TRIM2: variants seen among roughly 807,000 people sequenced by gnomAD.
The protein encoded by TRIM2 is tripartite motif containing 2, also known as tripartite motif-containing protein 2.
Under a neutral mutation model 75.2 loss-of-function variants are expected in TRIM2, and 20 were observed. That is an observed-to-expected ratio of 0.27 (90% CI 0.19 to 0.39). The LOEUF is 0.39. TRIM2 is among the 10% of genes least tolerant of loss of function. The pLI is 1.00. For synonymous variants in TRIM2, 373 were observed against 388.3 expected (o/e 0.96, Z 0.46); for missense variants, 660 against 990.8 (o/e 0.67, Z 4.48).
intron 6 of TRIM2, among the ~76,000 whole-genome samples, chr4:153,309,036 CTG>C (rs1225443779): frequency 1.3e-5 from 2 of 152,314 alleles, no homozygotes; most frequent in East Asian, 3.9e-4. Flanking sequence ...AGGCACTATG[CTG>C]TGTTATAGGG....
At chr4:153,222,776 T>C (rs1412833557) in intron 1 of TRIM2, 1 of 152,248 alleles carries the variant, frequency 6.6e-6, no homozygotes, top group Non-Finnish European at 1.5e-5. Flanking sequence ...TTTTACTACT[T>C]GAGCCGCTCG....
At chr4:153,222,622 G>A (rs1363797813) in intron 1 of TRIM2, 2 of 152,094 alleles carry the variant, frequency 1.3e-5, no homozygotes, top group African/African-American at 2.4e-5. Flanking sequence ...TCTGCCTCGC[G>A]GTTGATGGAA....
chr4:153,223,297 C>T (rs943142308), intron 1 of TRIM2, among the ~76,000 whole-genome samples: 2 of 152,196 alleles, frequency 1.3e-5, no homozygotes, highest in Non-Finnish European at 2.9e-5. Flanking sequence ...CCTCTGCCGT[C>T]CTCAGTCACC....
chr4:153,252,793 C>T (rs1252465930), intron 1 of TRIM2, among the ~76,000 whole-genome samples: 15 of 152,212 alleles, frequency 9.9e-5, no homozygotes, highest in Non-Finnish European at 1.8e-4. Context: ...CAGGCGTAAG[C>T]CACCACTCCT....
chr4:153,231,587 A>T (rs1743627143), intron 1 of TRIM2, among the ~76,000 whole-genome samples: 1 of 152,108 alleles, frequency 6.6e-6, no homozygotes, highest in Non-Finnish European at 1.5e-5. Flanking sequence ...ATTGAGGTGA[A>T]ATAAGGAGGT....
chr4:153,155,516 C>T (rs896968735), intron 1 of TRIM2, among the ~76,000 whole-genome samples: 2 of 152,006 alleles, frequency 1.3e-5, no homozygotes, highest in Admixed American at 1.3e-4. Flanking sequence ...GGTGGAGTGG[C>T]GACTTCGTTA....
In TRIM2 at chr4:153,320,838, G is replaced by A. The variant is rs184347027; in HGVS notation, c.1783-1810G>A. On this transcript the variant is annotated intron_variant, in intron 8 of 11. Coordinates refer to ENST00000338700, the MANE Select transcript of TRIM2 (RefSeq NM_015271.5). ...AGTAGAGATGGGGTTTCACCACCTT[G>A]GCCAACTGGTCTCGAACTCCTGACC... is the stretch of plus-strand genomic sequence containing the variant. Among the ~76,000 whole-genome samples the A allele has an allele frequency of 1.7e-3, 206 of 121,450 alleles. 2 individuals are homozygous for A. The Middle Eastern group carries it at 0.038, about 23-fold the overall frequency. The allele number at this position is 121,450 out of a possible 152,430, so 79.7% of individuals were successfully genotyped here.
At chr4:153,311,198 G>C (rs1293582452) in intron 6 of TRIM2, among the ~76,000 whole-genome samples, 1 of 151,990 alleles carries the variant, frequency 6.6e-6, no homozygotes, top group Non-Finnish European at 1.5e-5. Context: ...CTGAAAAAAC[G>C]TGTGCTTATT....
intron 3 of TRIM2, among the ~76,000 whole-genome samples, chr4:153,278,666 G>C (rs1025774276): frequency 6.6e-5 from 10 of 152,226 alleles, no homozygotes; most frequent in African/African-American, 2.4e-4. Context: ...GGGCATGATG[G>C]GGCTGCACCT....
chr4:153,335,815 C>T lies in TRIM2; in HGVS notation c.*849C>T, dbSNP rs566281078. 2.6e-5 allele frequency: 26 copies of T among 985,840 alleles called. No individual in the cohort carries two copies. The South Asian group carries it at 9.4e-4, about 36-fold the overall frequency. 61.1% of individuals were successfully genotyped at this position (985,840 alleles called of 1,614,324 possible). A position where few individuals can be genotyped will look rare whatever the true frequency, so the allele number is the denominator to read the frequency against. ...ATGTTTTATGTACCATGTTTTCACA[C>T]GTGTCTCTTCTCTTCGACTTCCTGA... On this transcript the variant is annotated 3_prime_UTR_variant, in exon 12 of 12. Transcript: ENST00000338700.
intron 1 of TRIM2, among the ~76,000 whole-genome samples, chr4:153,214,300 CA>C (rs1737890071): frequency 1.3e-5 from 2 of 152,166 alleles, no homozygotes; most frequent in Admixed American, 6.6e-5. Flanking sequence ...AGTCCCTGGG[CA>C]GTAAAACCTG....
intron 1 of TRIM2, among the ~76,000 whole-genome samples, chr4:153,250,344 G>A (rs1438320306): frequency 2.6e-5 from 4 of 152,074 alleles, no homozygotes; most frequent in African/African-American, 7.2e-5. Flanking sequence ...GGTCTCGAGC[G>A]CCTGATCTCA....
chr4:153,292,471 T>C (rs1384188163), intron 3 of TRIM2, among the ~76,000 whole-genome samples: 1 of 152,232 alleles, frequency 6.6e-6, no homozygotes, highest in Non-Finnish European at 1.5e-5. Flanking sequence ...TTAAAATTTT[T>C]TGTAGAGACA....
chr4:153,193,627 A>T (rs1733459767), intron 1 of TRIM2, among the ~76,000 whole-genome samples: 1 of 152,214 alleles, frequency 6.6e-6, no homozygotes. Flanking sequence ...TAGGACTATT[A>T]TCTTCCCCAT....
Position 153,193,941 on chromosome 4 carries a change from G to C in TRIM2, c.-49+40671G>C, listed in dbSNP as rs144478145. Reference sequence around the variant, plus strand: ...GATGTGCAGGTGAGAACAGGGATGCGGGGCCCCCAGGATATACAGAGAGAA... The same window carrying C: ...GATGTGCAGGTGAGAACAGGGATGCCGGGCCCCCAGGATATACAGAGAGAA... On this transcript the variant is annotated intron_variant, in intron 1 of 11. Coordinates refer to the TRIM2 transcript ENST00000437508. 1.9e-3 allele frequency among the ~76,000 whole-genome samples: 282 copies of C among 152,238 alleles called. 1 individual carries two copies. Among genetic ancestry groups the C allele is most frequent in the East Asian group, 0.017 (89 of 5,182 alleles).
intron 11 of TRIM2, among the ~76,000 whole-genome samples, chr4:153,332,987 GAAAACTT>G (rs1428252040): frequency 6.6e-6 from 1 of 152,174 alleles, no homozygotes; most frequent in African/African-American, 2.4e-5. Context: ...CCAGAGAAGT[GAAAACTT>G]ACGTCCACAC....
At chr4:153,268,816 C>G (rs1755931971) in intron 1 of TRIM2, among the ~76,000 whole-genome samples, 1 of 152,228 alleles carries the variant, frequency 6.6e-6, no homozygotes, top group African/African-American at 2.4e-5. Flanking sequence ...TGATCCCTAA[C>G]ATTTTGAAAC....
intron 1 of TRIM2, among the ~76,000 whole-genome samples, chr4:153,218,658 G>C (rs1444266212): frequency 6.6e-6 from 1 of 152,096 alleles, no homozygotes; most frequent in Non-Finnish European, 1.5e-5. Context: ...AGTATTTCCT[G>C]GGCTTTAGGA....
intron 3 of TRIM2, among the ~76,000 whole-genome samples, chr4:153,283,754 A>G (rs1759903208): frequency 6.6e-6 from 1 of 150,710 alleles, no homozygotes; most frequent in African/African-American, 2.4e-5. Context: ...CCCTTGCCTC[A>G]GCCTCCCAAG....
Sources: allele counts gnomAD v4.1 joint callset (sites outside exome capture counted in the v4.1 genomes callset), GRCh38; gene constraint gnomAD v4.1.1; transcripts MANE v1.5; gene names NCBI Gene and HGNC (gene_info 2026-07-23, HGNC 2026-07-21).